The following CATSPER3 variants were observed in gnomAD, a reference collection of about 807,000 sequenced individuals.
CATSPER3 encodes cation channel sperm-associated protein 3.
Under a neutral mutation model 36.6 loss-of-function variants are expected in CATSPER3, and 23 were observed. The ratio of observed to expected loss-of-function variants is 0.63; its 90% CI spans 0.45 to 0.89. The LOEUF (loss-of-function observed/expected upper bound fraction) is 0.89, where lower values mean the gene tolerates loss of function less well. CATSPER3 is among the 40% of genes least tolerant of loss of function. The probability of loss-of-function intolerance (pLI) is 0.00; values close to 1 mark genes in which losing one functional copy is unlikely to be tolerated. For missense variants in CATSPER3, 474 were observed against 503.9 expected (o/e 0.94, Z 0.57); for synonymous variants, 172 against 184.1 (o/e 0.93, Z 0.53).
chr5:134,970,098 C>T lies in CATSPER3; in HGVS notation c.252+6C>T. On this transcript the variant is annotated splice_donor_region_variant and intron_variant, in intron 2 of 7. Transcript: ENST00000282611. ...GCTTGTTCAGACTTCTTGAGGTAAGCAGACAAAATGGGTCCATTTTCTTCT... is the reference window on the plus strand; with the variant it reads ...GCTTGTTCAGACTTCTTGAGGTAAGTAGACAAAATGGGTCCATTTTCTTCT... 1 of 1,613,158 alleles carries T rather than the reference C, an allele frequency of 6.2e-7. No individual in the cohort carries two copies. The highest frequency in any genetic ancestry group is 8.5e-7 in the Non-Finnish European group (1 of 1,179,256).
Position 134,996,270 on chromosome 5 carries a change from T to C in CATSPER3, c.253-3T>C. The C allele has an allele frequency of 6.2e-7, 1 of 1,614,228 alleles. No homozygotes were observed. Among genetic ancestry groups the C allele is most frequent in the Non-Finnish European group, 8.5e-7 (1 of 1,180,028 alleles). ...ACTTCTCCAACCCTTGCTACCCCTG[T>C]AGTTCTCGGAGATCTTCTTTGTGTC... On this transcript the variant is annotated splice_region_variant and splice_polypyrimidine_tract_variant and intron_variant, in intron 2 of 7. Coordinates refer to ENST00000282611, the MANE Select transcript of CATSPER3 (RefSeq NM_178019.3).
At chr5:135,002,004 T>G (rs938371765) in intron 3 of CATSPER3, among the ~76,000 whole-genome samples, 11 of 151,844 alleles carry the variant, frequency 7.2e-5, no homozygotes, top group East Asian at 3.9e-4. Context: ...ATCCTGTCAT[T>G]ATGATGTTAG....
intron 2 of CATSPER3, among the ~76,000 whole-genome samples, chr5:134,972,446 C>G (rs1751619032): frequency 6.6e-6 from 1 of 151,692 alleles, no homozygotes; most frequent in African/African-American, 2.4e-5. Context: ...TAGGAAAGAA[C>G]AGAAGTGAAA....
intron 3 of CATSPER3, among the ~76,000 whole-genome samples, chr5:135,000,762 T>TGGG (rs1462636883): frequency 2.0e-5 from 3 of 152,222 alleles, no homozygotes; most frequent in African/African-American, 7.2e-5. Flanking sequence ...GGATTGGTGG[T>TGGG]GATAACCCCT....
chr5:135,008,996 G>T lies in CATSPER3; in HGVS notation c.816+15G>T. ...TGCACACAGAGGTGAGGCCACACCT[G>T]TGAGGATCGGAGGTCAGGGCAGGTG... is the stretch of plus-strand genomic sequence containing the variant. On this transcript the variant is annotated intron_variant, in intron 5 of 7. Coordinates refer to ENST00000282611, the MANE Select transcript of CATSPER3 (RefSeq NM_178019.3). 6.2e-7 allele frequency: 1 copy of T among 1,614,022 alleles called. No individual in the cohort carries two copies. Among genetic ancestry groups the T allele is most frequent in the Non-Finnish European group, 8.5e-7 (1 of 1,179,982 alleles).
chr5:134,975,481 CAT>C (rs1751662849), intron 2 of CATSPER3, among the ~76,000 whole-genome samples: 1 of 152,164 alleles, frequency 6.6e-6, no homozygotes, highest in Non-Finnish European at 1.5e-5. Flanking sequence ...GGCATGGTGC[CAT>C]GTGTCTATAG....
At chr5:134,976,290 C>T (rs1282061542) in intron 2 of CATSPER3, among the ~76,000 whole-genome samples, 1 of 152,146 alleles carries the variant, frequency 6.6e-6, no homozygotes, top group Non-Finnish European at 1.5e-5. Flanking sequence ...CTCTGCACTC[C>T]AGCCTGGGTG....
At chr5:135,005,998 G>A (rs1752081185) in intron 3 of CATSPER3, among the ~76,000 whole-genome samples, 1 of 152,192 alleles carries the variant, frequency 6.6e-6, no homozygotes, top group African/African-American at 2.4e-5. Flanking sequence ...GCCCGGGAGA[G>A]CTGAACTGGG....
intron 1 of CATSPER3, chr5:134,969,214 A>T (rs1374921596): frequency 6.6e-6 from 1 of 152,222 alleles, no homozygotes; most frequent in Non-Finnish European, 1.5e-5. Flanking sequence ...ATTTCAGGTT[A>T]TATTATCTTG....
At chr5:135,005,609 T>A (rs964221119) in intron 3 of CATSPER3, among the ~76,000 whole-genome samples, 5 of 152,196 alleles carry the variant, frequency 3.3e-5, no homozygotes, top group Admixed American at 3.3e-4. Context: ...TCTAAAGGAA[T>A]CCTTAAATAA....
intron 2 of CATSPER3, among the ~76,000 whole-genome samples, chr5:134,972,780 G>A (rs529406347): frequency 1.4e-4 from 22 of 152,284 alleles, no homozygotes; most frequent in South Asian, 4.1e-4. Flanking sequence ...GGAACTATAC[G>A]TTGAAAGAGC....
In CATSPER3 at chr5:134,996,340, T is replaced by A. The variant is rs769212982; in HGVS notation, c.320T>A (p.Ile107Asn). 1 of 1,614,230 alleles carries A rather than the reference T, an allele frequency of 6.2e-7. No homozygotes were observed. The change falls in exon 3 of 8, where the codon ATC becomes AAC. Residue 107 changes from isoleucine to asparagine, a missense_variant. By Grantham distance (149) the Ile-to-Asn change is moderately radical. Coordinates refer to ENST00000282611, the MANE Select transcript of CATSPER3 (RefSeq NM_178019.3). ...TCCATGAAGGTCTATGTGGACCCCA[T>A]CAACTACTGGAAGAACGGCTACAAC... is the stretch of plus-strand genomic sequence containing the variant. Reference protein sequence around the residue: ...ELSMKVYVDPINYWKNGYNLL... With the variant: ...ELSMKVYVDPNNYWKNGYNLL...
At chr5:134,974,571 T>C (rs1306758755) in intron 2 of CATSPER3, among the ~76,000 whole-genome samples, 1 of 152,214 alleles carries the variant, frequency 6.6e-6, no homozygotes, top group Admixed American at 6.5e-5. Flanking sequence ...CACTATATAT[T>C]TGTTCATGTG....
chr5:135,009,542 T>G (rs992658556), intron 6 of CATSPER3, 52 bp downstream of exon 6: 1 of 581,102 alleles, frequency 1.7e-6, no homozygotes. Flanking sequence ...ATCGTCAGGC[T>G]GATGAGATGG....
intron 2 of CATSPER3, among the ~76,000 whole-genome samples, chr5:134,995,188 T>C (rs1490640571): frequency 1.3e-5 from 2 of 152,190 alleles, no homozygotes; most frequent in African/African-American, 4.8e-5. Context: ...GCACAATAGA[T>C]TGATGTTAAC....
chr5:134,992,179 A>G (rs925415922), intron 2 of CATSPER3, among the ~76,000 whole-genome samples: 2 of 152,150 alleles, frequency 1.3e-5, no homozygotes, highest in African/African-American at 4.8e-5. Flanking sequence ...TTTGCAAATT[A>G]TATATCTGAT....
chr5:134,989,415 G>A lies in CATSPER3; in HGVS notation c.253-6858G>A, dbSNP rs539175243. ...GATATAAGTCTTTTTTATCTACTTT[G>A]CACATTGAAAATCTGTGGTTGAGTG... On this transcript the variant is annotated intron_variant, in intron 2 of 7. Coordinates refer to ENST00000282611, the MANE Select transcript of CATSPER3 (RefSeq NM_178019.3). Among the ~76,000 whole-genome samples, 12 of 152,278 alleles carry A rather than the reference G, an allele frequency of 7.9e-5. No homozygotes were observed. The South Asian group carries it at 2.5e-3, about 32-fold the overall frequency.
chr5:135,006,621 G>A (rs1474631843), intron 3 of CATSPER3, among the ~76,000 whole-genome samples: 1 of 152,042 alleles, frequency 6.6e-6, no homozygotes, highest in Non-Finnish European at 1.5e-5. Context: ...TGGATCACGA[G>A]GTCGGGAGAT....
At chr5:135,005,054 C>G (rs560903413) in intron 3 of CATSPER3, among the ~76,000 whole-genome samples, 3 of 152,192 alleles carry the variant, frequency 2.0e-5, no homozygotes. Flanking sequence ...GACCCAGGAC[C>G]ACACAGGGAG....
Sources: allele counts gnomAD v4.1 joint callset (sites outside exome capture counted in the v4.1 genomes callset), GRCh38; gene constraint gnomAD v4.1.1; transcripts MANE v1.5; gene names NCBI Gene and HGNC (gene_info 2026-07-23, HGNC 2026-07-21).